The following RALY variants were observed in gnomAD, a reference collection of about 807,000 sequenced individuals.
RALY encodes RNA-binding protein Raly.
In RALY, 15 loss-of-function variants were observed where a neutral mutation model predicts 30.7. That is an observed-to-expected ratio of 0.49 (90% CI 0.33 to 0.75). The LOEUF (loss-of-function observed/expected upper bound fraction) is 0.75, where lower values mean the gene tolerates loss of function less well. Ranked by LOEUF, RALY falls within the 30% of genes least tolerant of loss-of-function variation. The pLI is 0.02. For missense variants in RALY, 339 were observed against 414.3 expected, an observed-to-expected ratio of 0.82 and a Z score of 1.58; for synonymous variants, 177 against 170.8, an observed-to-expected ratio of 1.04 and a Z score of -0.28.
At chr20:34,042,405 C>A (rs1241894190) in intron 2 of RALY, among the ~76,000 whole-genome samples, 3 of 152,174 alleles carry the variant, frequency 2.0e-5, no homozygotes, top group Non-Finnish European at 4.4e-5. Context: ...TGACTCTCTG[C>A]CTGGTGTCCT....
chr20:34,065,460 G>A (rs2033543546), intron 2 of RALY, among the ~76,000 whole-genome samples: 2 of 152,236 alleles, frequency 1.3e-5, no homozygotes, highest in African/African-American at 4.8e-5. Context: ...AGCTTTTGCT[G>A]TTTGACATGC....
At chr20:34,059,554 A>G (rs766497328) in intron 2 of RALY, among the ~76,000 whole-genome samples, 2 of 152,210 alleles carry the variant, frequency 1.3e-5, no homozygotes, top group Non-Finnish European at 2.9e-5. Flanking sequence ...GGAACTGTGA[A>G]CCTCAGAAAA....
At chr20:34,033,312 C>T (rs1475273292) in intron 2 of RALY, 1 of 152,174 alleles carries the variant, frequency 6.6e-6, no homozygotes, top group Non-Finnish European at 1.5e-5. Flanking sequence ...ATGAACGAAA[C>T]AAGAAAGTGA....
In RALY at chr20:34,026,426, G is replaced by A. The variant is rs550287150; in HGVS notation, c.-92-5096G>A. Among the ~76,000 whole-genome samples the A allele has an allele frequency of 4.9e-3, 686 of 140,288 alleles. 2 individuals are homozygous for A. The highest frequency in any genetic ancestry group is 0.014 in the African/African-American group (508 of 36,248). The allele number at this position is 140,288 out of a possible 152,430, so 92.0% of individuals were successfully genotyped here. On this transcript the variant is annotated intron_variant, in intron 1 of 9. Transcript: ENST00000246194. The stretch of plus-strand genomic sequence containing the variant: ...TATTTATTTATTTATTTATTGAGGC[G>A]GAGTCTCGCTCTGTCGCCCATGCTG...
At chr20:33,999,615 G>A (rs2030816368) in intron 1 of RALY, among the ~76,000 whole-genome samples, 1 of 152,122 alleles carries the variant, frequency 6.6e-6, no homozygotes, top group African/African-American at 2.4e-5. Flanking sequence ...TCTCTAAGCC[G>A]AAGCCACTTC....
intron 2 of RALY, among the ~76,000 whole-genome samples, chr20:34,046,230 C>T (rs1368509962): frequency 6.6e-6 from 1 of 152,220 alleles, no homozygotes; most frequent in Non-Finnish European, 1.5e-5. Context: ...GTCTTTGAAG[C>T]CCAGCCCCAG....
chr20:34,010,506 G>A (rs1329107351), intron 1 of RALY, among the ~76,000 whole-genome samples: 2 of 152,254 alleles, frequency 1.3e-5, no homozygotes, highest in East Asian at 3.9e-4. Flanking sequence ...CAAAGTGCTG[G>A]GATTACAGGC....
chr20:34,023,657 C>A (rs1480229679), intron 1 of RALY, among the ~76,000 whole-genome samples: 3 of 152,012 alleles, frequency 2.0e-5, no homozygotes, highest in African/African-American at 7.2e-5. Context: ...TAGAATAAAG[C>A]ACCTAATTTT....
In RALY at chr20:34,077,233, C is replaced by T. The variant is rs374165525; in HGVS notation, c.864C>T (p.Ser288=). The change falls in exon 8 of 10, where the codon AGC becomes AGT. Residue 288 remains serine (S), a synonymous_variant. Coordinates refer to ENST00000246194, the MANE Select transcript of RALY (RefSeq NM_016732.3). ...DGDEEGLLTH[S]EEELEHSQDT... The stretch of plus-strand genomic sequence containing the variant: ...ATGAGGAAGGGCTCCTGACACACAG[C>T]GAGGAAGAGCTGGTGAGGGCCTGGC... 15 of 1,613,602 alleles carry T rather than the reference C, an allele frequency of 9.3e-6. No individual in the cohort carries two copies. In the East Asian group the frequency reaches 1.3e-4, roughly 14 times the overall value.
intron 2 of RALY, among the ~76,000 whole-genome samples, chr20:34,038,976 G>A (rs116969252): frequency 1.3e-5 from 2 of 152,210 alleles, no homozygotes; most frequent in East Asian, 3.9e-4. Flanking sequence ...CTCAAACCTG[G>A]GAAAGCATTT....
chr20:34,053,383 ATTTTTTTTTTTTTTTTTTTTTTT>A (rs60912814), intron 2 of RALY, among the ~76,000 whole-genome samples: 1 of 54,098 alleles, frequency 1.8e-5, no homozygotes, highest in African/African-American at 7.9e-5. Flanking sequence ...ATGTTCAATA[ATTTTTTTTTTTTTTTTTTTTTTT>A]TTTTTTTTTG....
intron 2 of RALY, among the ~76,000 whole-genome samples, chr20:34,058,406 G>GA (rs2033318167): frequency 6.6e-6 from 1 of 152,136 alleles, no homozygotes; most frequent in Non-Finnish European, 1.5e-5. Flanking sequence ...GTGGGAGTGA[G>GA]AGAGGGGTCA....
intron 2 of RALY, among the ~76,000 whole-genome samples, chr20:34,056,158 G>C (rs2033236596): frequency 6.6e-6 from 1 of 152,150 alleles, no homozygotes; most frequent in Non-Finnish European, 1.5e-5. Flanking sequence ...ATCATTTCTT[G>C]TTACATCCTA....
chr20:34,045,399 A>G (rs2032846247), intron 2 of RALY, among the ~76,000 whole-genome samples: 1 of 152,222 alleles, frequency 6.6e-6, no homozygotes, highest in African/African-American at 2.4e-5. Flanking sequence ...ATGCAAGAGC[A>G]TGTTTGTAGA....
chr20:34,069,373 T>C (rs2033663750), intron 2 of RALY, among the ~76,000 whole-genome samples: 1 of 152,180 alleles, frequency 6.6e-6, no homozygotes, highest in African/African-American at 2.4e-5. Flanking sequence ...AGTCCTGATC[T>C]CGTCACAATA....
At chr20:34,029,946 G>T (rs1484164142) in intron 1 of RALY, 1 of 152,142 alleles carries the variant, frequency 6.6e-6, no homozygotes, top group East Asian at 1.9e-4. Flanking sequence ...CTATTAAATG[G>T]CCGTTGTTAT....
chr20:34,068,315 A>G (rs2033635126), intron 2 of RALY, among the ~76,000 whole-genome samples: 1 of 152,144 alleles, frequency 6.6e-6, no homozygotes, highest in African/African-American at 2.4e-5. Flanking sequence ...TAGGGCTGCC[A>G]CTCTAAGCTA....
At chr20:34,034,396 A>G (rs1274450023) in intron 2 of RALY, among the ~76,000 whole-genome samples, 1 of 152,054 alleles carries the variant, frequency 6.6e-6, no homozygotes, top group East Asian at 1.9e-4. Flanking sequence ...TCTTGCTGCC[A>G]CTTCTTTTTG....
chr20:34,067,706 C>T (rs117332193), intron 2 of RALY, among the ~76,000 whole-genome samples: 2,010 of 152,184 alleles, frequency 0.013, 14 homozygotes, highest in Non-Finnish European at 0.021. Context: ...TTTTAATTAG[C>T]TTAAAAGGCC....
Sources: allele counts gnomAD v4.1 joint callset (sites outside exome capture counted in the v4.1 genomes callset), GRCh38; gene constraint gnomAD v4.1.1; transcripts MANE v1.5; gene names NCBI Gene and HGNC (gene_info 2026-07-23, HGNC 2026-07-21).